Variants in ARL15 observed in about 807,000 individuals in gnomAD.
ARL15 encodes the protein ARF like GTPase 15.
ARL15 carries 19 observed loss-of-function variants against 25.2 expected under a neutral mutation model. The observed-to-expected ratio is 0.75, with a 90% CI of 0.53 to 1.10. ARL15 has a LOEUF of 1.10. Ranked by LOEUF, ARL15 falls within the 50% of genes least tolerant of loss-of-function variation. The probability of loss-of-function intolerance (pLI) is 0.00; values close to 1 mark genes in which losing one functional copy is unlikely to be tolerated. For missense variants in ARL15, 220 were observed against 246.0 expected (o/e 0.89, Z 0.71); for synonymous variants, 94 against 86.8 (o/e 1.08, Z -0.46).
intron 4 of ARL15, among the ~76,000 whole-genome samples, chr5:53,988,831 G>T (rs1748387173): frequency 6.6e-6 from 1 of 152,164 alleles, no homozygotes; most frequent in African/African-American, 2.4e-5. Context: ...CAAGCATAAT[G>T]GTTAGTGTAT....
At chr5:53,976,690 A>G (rs2111562430) in intron 4 of ARL15, among the ~76,000 whole-genome samples, 1 of 152,256 alleles carries the variant, frequency 6.6e-6, no homozygotes, top group East Asian at 1.9e-4. Context: ...GATGAGCTCA[A>G]TTTTTGGCAT....
intron 1 of ARL15, among the ~76,000 whole-genome samples, chr5:54,254,998 C>T (rs945020374): frequency 6.6e-6 from 1 of 152,182 alleles, no homozygotes; most frequent in African/African-American, 2.4e-5. Flanking sequence ...GAATGTTTTT[C>T]TATCACGCCT....
chr5:54,041,416 TA>T (rs1364945874), intron 4 of ARL15, among the ~76,000 whole-genome samples: 2 of 152,238 alleles, frequency 1.3e-5, no homozygotes, highest in African/African-American at 4.8e-5. Context: ...ACATTGCCTA[TA>T]AATTTAATTT....
At chr5:54,086,455 T>A (rs1751967353) in intron 4 of ARL15, among the ~76,000 whole-genome samples, 1 of 150,452 alleles carries the variant, frequency 6.6e-6, no homozygotes, top group African/African-American at 2.5e-5. Flanking sequence ...TTTTTTTTTT[T>A]AAGTATATGT....
At chr5:54,049,956 C>G (rs998933659) in intron 4 of ARL15, among the ~76,000 whole-genome samples, 4 of 152,120 alleles carry the variant, frequency 2.6e-5, no homozygotes, top group Admixed American at 2.6e-4. Flanking sequence ...TTTAAGCCAC[C>G]ATTTGTTGGA....
Position 54,246,797 on chromosome 5 carries a change from TACACACACACACACACACACACAC to T in ARL15, c.48+63611_48+63634del, listed in dbSNP as rs61025147. On this transcript the variant is annotated intron_variant, in intron 1 of 4. Coordinates refer to ENST00000504924, the MANE Select transcript of ARL15 (RefSeq NM_019087.3). ...CCTCTTTTTATATACAAAGCATGCATACACACACACACACACACACACACACACACACACACACACACACACACA... is the reference window on the plus strand; with the variant it reads ...CCTCTTTTTATATACAAAGCATGCATACACACACACACACACACACACACA... Among the ~76,000 whole-genome samples the T allele has an allele frequency of 1.8e-3, 252 of 139,062 alleles. 1 individual carries two copies. Among genetic ancestry groups the T allele is most frequent in the Non-Finnish European group, 3.0e-3 (194 of 65,096 alleles). 91.2% of individuals were successfully genotyped at this position (139,062 alleles called of 152,430 possible).
intron 4 of ARL15, among the ~76,000 whole-genome samples, chr5:54,008,576 G>A (rs940219518): frequency 1.3e-5 from 2 of 152,146 alleles, no homozygotes; most frequent in Non-Finnish European, 2.9e-5. Flanking sequence ...CTTTACACTG[G>A]CTTGTTTACT....
chr5:53,904,586 G>A (rs1195828860), intron 4 of ARL15, among the ~76,000 whole-genome samples: 1 of 152,050 alleles, frequency 6.6e-6, no homozygotes, highest in Non-Finnish European at 1.5e-5. Flanking sequence ...AACAGAAGCT[G>A]AAAAATCATA....
chr5:53,939,733 CAAAAA>C (rs201690627), intron 4 of ARL15, among the ~76,000 whole-genome samples: 1 of 143,586 alleles, frequency 7.0e-6, no homozygotes, highest in Non-Finnish European at 1.5e-5. Context: ...GACTCCGTCT[CAAAAA>C]AAAATAAAAT....
At chr5:53,888,915 T>A (rs577157269) in intron 4 of ARL15, among the ~76,000 whole-genome samples, 76 of 152,244 alleles carry the variant, frequency 5.0e-4, no homozygotes, top group African/African-American at 1.8e-3. Flanking sequence ...TCAGGTTGTA[T>A]CACTGAGCTC....
intron 4 of ARL15, among the ~76,000 whole-genome samples, chr5:53,889,776 G>A (rs1744654021): frequency 6.6e-6 from 1 of 151,382 alleles, no homozygotes. Context: ...GTACAGAGAG[G>A]AGAAGATGAG....
At chr5:54,297,814 GCT>G (rs1403811372) in intron 1 of ARL15, among the ~76,000 whole-genome samples, 2 of 151,876 alleles carry the variant, frequency 1.3e-5, no homozygotes, top group Non-Finnish European at 2.9e-5. Flanking sequence ...ACGGAGTCTC[GCT>G]CTGTCGCCCA....
chr5:53,943,621 T>C (rs1427190606), intron 4 of ARL15, among the ~76,000 whole-genome samples: 4 of 152,156 alleles, frequency 2.6e-5, no homozygotes, highest in Non-Finnish European at 5.9e-5. Flanking sequence ...TGCTTAAAGA[T>C]GAGGTTTCAC....
intron 4 of ARL15, among the ~76,000 whole-genome samples, chr5:53,921,475 T>G (rs1745859709): frequency 1.3e-5 from 2 of 152,244 alleles, no homozygotes; most frequent in Admixed American, 6.5e-5. Context: ...TAACATGAAC[T>G]AATTTTTGCA....
chr5:53,965,713 G>A (rs1394650063), intron 4 of ARL15, among the ~76,000 whole-genome samples: 1 of 151,502 alleles, frequency 6.6e-6, no homozygotes, highest in East Asian at 1.9e-4. Flanking sequence ...CAGTGGACTT[G>A]ACTATATCAG....
At chr5:54,053,942 T>C (rs957017480) in intron 4 of ARL15, among the ~76,000 whole-genome samples, 1 of 152,212 alleles carries the variant, frequency 6.6e-6, no homozygotes, top group African/African-American at 2.4e-5. Flanking sequence ...GTTCATTAAC[T>C]GTAATAAATG....
intron 2 of ARL15, among the ~76,000 whole-genome samples, chr5:54,160,661 T>C (rs1309629434): frequency 6.6e-6 from 1 of 152,240 alleles, no homozygotes; most frequent in Admixed American, 6.5e-5. Flanking sequence ...TCCTGCTCTC[T>C]GGAGGATTTC....
At chr5:54,153,504 T>C (rs1754130180) in intron 3 of ARL15, among the ~76,000 whole-genome samples, 1 of 152,192 alleles carries the variant, frequency 6.6e-6, no homozygotes, top group South Asian at 2.1e-4. Flanking sequence ...ATAGAAAAAT[T>C]ATTATAAGAA....
intron 1 of ARL15, among the ~76,000 whole-genome samples, chr5:54,291,436 G>C (rs534930515): frequency 5.5e-4 from 84 of 152,258 alleles, no homozygotes; most frequent in Middle Eastern, 3.4e-3. Flanking sequence ...TGACAATGTT[G>C]TGTAATTATT....
Sources: allele counts gnomAD v4.1 joint callset (sites outside exome capture counted in the v4.1 genomes callset), GRCh38; gene constraint gnomAD v4.1.1; transcripts MANE v1.5; gene names NCBI Gene and HGNC (gene_info 2026-07-23, HGNC 2026-07-21).